The following ACCSL variants were observed in gnomAD, a reference collection of about 807,000 sequenced individuals.
The protein encoded by ACCSL is 1-aminocyclopropane-1-carboxylate synthase homolog (inactive) like, also known as probable inactive 1-aminocyclopropane-1-carboxylate synthase-like protein 2.
In ACCSL, 55 loss-of-function variants were observed where a neutral mutation model predicts 61.7. That is an observed-to-expected ratio of 0.89 (90% CI 0.72 to 1.12). ACCSL has a LOEUF of 1.12. Ranked by LOEUF, ACCSL falls within the 50% of genes most tolerant of loss-of-function variation. The pLI is 0.00. For synonymous variants in ACCSL, 258 were observed against 264.3 expected (o/e 0.98, Z 0.23); for missense variants, 632 against 698.0 (o/e 0.91, Z 1.07).
the ACCSL span, among the ~76,000 whole-genome samples, chr11:43,964,862 A>T: frequency 6.6e-6 from 1 of 152,214 alleles, no homozygotes; most frequent in Non-Finnish European, 1.5e-5. Flanking sequence ...TTCTTAATTG[A>T]TGCAGAAAAA....
chr11:44,058,199 C>G, intron 11 of ACCSL, 118 bp from the exon 12 acceptor site: 4 of 1,282,636 alleles, frequency 3.1e-6, no homozygotes, highest in Non-Finnish European at 4.3e-6. Flanking sequence ...AACAGACAAA[C>G]AAAACAAAAA....
chr11:43,949,620 G>A, the ACCSL span, among the ~76,000 whole-genome samples: 3 of 151,772 alleles, frequency 2.0e-5, no homozygotes, highest in Non-Finnish European at 4.4e-5. Flanking sequence ...TTCGAGACCA[G>A]CCTGGCCAAC....
At chr11:43,981,173 T>C in the ACCSL span, among the ~76,000 whole-genome samples, 2 of 152,222 alleles carry the variant, frequency 1.3e-5, no homozygotes, top group Admixed American at 6.5e-5. Flanking sequence ...AGGTGGACTT[T>C]ATCCGCCTGG....
chr11:44,035,690 C>A, the ACCSL span, among the ~76,000 whole-genome samples: 12 of 152,110 alleles, frequency 7.9e-5, no homozygotes, highest in Non-Finnish European at 1.3e-4. Flanking sequence ...GTAATCTCAG[C>A]GCTTTGGGAG....
the ACCSL span, chr11:43,973,770 G>A: frequency 6.6e-6 from 1 of 152,170 alleles, no homozygotes; most frequent in Non-Finnish European, 1.5e-5. Context: ...GCGGCTTAAG[G>A]ATAATTCACT....
At chr11:44,012,350 G>A in the ACCSL span, among the ~76,000 whole-genome samples, 85 of 151,726 alleles carry the variant, frequency 5.6e-4, no homozygotes, top group African/African-American at 2.0e-3. Context: ...GCAATGGCAC[G>A]ATCTCAGCTC....
At chr11:44,049,931 G>T in intron 1 of ACCSL, 131 bp from the exon 2 acceptor site, 1 of 1,232,626 alleles carries the variant, frequency 8.1e-7, no homozygotes, top group Non-Finnish European at 1.2e-6. Flanking sequence ...CTTTCCTAAC[G>T]TGTAAAGTTG....
chr11:43,947,864 G>A, the ACCSL span, among the ~76,000 whole-genome samples: 6 of 152,090 alleles, frequency 3.9e-5, no homozygotes, highest in Admixed American at 6.5e-5. Flanking sequence ...ACAGGAGCCC[G>A]GGCATCTGAA....
the ACCSL span, among the ~76,000 whole-genome samples, chr11:43,928,730 C>T: frequency 6.6e-6 from 1 of 152,244 alleles, no homozygotes; most frequent in Non-Finnish European, 1.5e-5. Flanking sequence ...GGGCCAGATT[C>T]CCTATGCCCC....
At chr11:44,030,057 ATTTTTTTTT>A in the ACCSL span, among the ~76,000 whole-genome samples, 12 of 4,454 alleles carry the variant, frequency 2.7e-3, 1 homozygote, top group South Asian at 6.8e-3. Flanking sequence ...TCTTTGGTTG[ATTTTTTTTT>A]TTTTTTTTTT....
chr11:43,922,186 A>G, the ACCSL span: 1 of 152,222 alleles, frequency 6.6e-6, no homozygotes, highest in South Asian at 2.1e-4. Flanking sequence ...AGGAGCTTTT[A>G]TACATAATCC....
the ACCSL span, among the ~76,000 whole-genome samples, chr11:43,984,675 G>A: frequency 6.6e-6 from 1 of 152,254 alleles, no homozygotes; most frequent in Non-Finnish European, 1.5e-5. Flanking sequence ...TCATTTCAAA[G>A]AAAGCCCTGG....
the ACCSL span, among the ~76,000 whole-genome samples, chr11:43,970,997 C>T: frequency 6.6e-6 from 1 of 152,144 alleles, no homozygotes; most frequent in African/African-American, 2.4e-5. Flanking sequence ...CATAGATTTT[C>T]TGTAGGAAGT....
At chr11:43,982,296 C>T in the ACCSL span, among the ~76,000 whole-genome samples, 5 of 143,146 alleles carry the variant, frequency 3.5e-5, no homozygotes, top group African/African-American at 5.1e-5. Context: ...GGCGCAATCT[C>T]GGCTCACTGA....
chr11:44,006,495 T>C, the ACCSL span, among the ~76,000 whole-genome samples: 1 of 138,788 alleles, frequency 7.2e-6, no homozygotes, highest in Non-Finnish European at 1.5e-5. Context: ...CTCACCTCTT[T>C]GAGATTTTTT....
the ACCSL span, among the ~76,000 whole-genome samples, chr11:44,031,447 G>A: frequency 6.6e-6 from 1 of 152,186 alleles, no homozygotes; most frequent in South Asian, 2.1e-4. Context: ...GAGGAAAAGT[G>A]TCTCGAGGAA....
At chr11:44,035,891 T>A in the ACCSL span, among the ~76,000 whole-genome samples, 1 of 128,672 alleles carries the variant, frequency 7.8e-6, no homozygotes, top group South Asian at 2.4e-4. Flanking sequence ...TGAGCCGAGA[T>A]CACGCCATTG....
At chr11:44,054,447 C>T (rs111253416) in intron 8 of ACCSL, among the ~76,000 whole-genome samples, 1 of 138,416 alleles carries the variant, frequency 7.2e-6, no homozygotes. Context: ...TTCTTTCTTT[C>T]TTTTTTTTTT....
the ACCSL span, among the ~76,000 whole-genome samples, chr11:43,951,523 G>A: frequency 7.6e-4 from 115 of 152,180 alleles, no homozygotes; most frequent in Non-Finnish European, 1.3e-3. Flanking sequence ...GGAACTGTCC[G>A]GAAGCACAAA....
Sources: allele counts gnomAD v4.1 joint callset (sites outside exome capture counted in the v4.1 genomes callset), GRCh38; gene constraint gnomAD v4.1.1; transcripts MANE v1.5; gene names NCBI Gene and HGNC (gene_info 2026-07-23, HGNC 2026-07-21).